Variants in WDR53 observed in about 807,000 individuals in gnomAD.
WDR53 encodes WD repeat-containing protein 53.
In WDR53, 19 loss-of-function variants were observed where a neutral mutation model predicts 21.3. The observed-to-expected ratio is 0.89, with a 90% CI of 0.62 to 1.31. The LOEUF (loss-of-function observed/expected upper bound fraction) is 1.31. Among genes scored for constraint, WDR53 ranks in the 50% most tolerant of loss-of-function variants. The probability of loss-of-function intolerance (pLI) is 0.00; values close to 1 mark genes in which losing one functional copy is unlikely to be tolerated. For synonymous variants in WDR53, 157 were observed against 163.4 expected, an observed-to-expected ratio of 0.96 and a Z score of 0.30; for missense variants, 374 against 423.2, an observed-to-expected ratio of 0.88 and a Z score of 1.02.
intron 3 of WDR53, 93 bp downstream of exon 3, chr3:196,560,903 G>C: frequency 6.7e-7 from 1 of 1,496,846 alleles, no homozygotes; most frequent in South Asian, 1.4e-5. Context: ...GTAGAAAACA[G>C]AAAAAGCAAA....
intron 3 of WDR53, among the ~76,000 whole-genome samples, chr3:196,555,704 A>G (rs1734258565): frequency 6.6e-6 from 1 of 152,252 alleles, no homozygotes; most frequent in Non-Finnish European, 1.5e-5. Context: ...CAATTTTAAC[A>G]GACACTGGAA....
Position 196,567,245 on chromosome 3 carries a change from G to A in WDR53, c.-385C>T, listed in dbSNP as rs1481165597. 3 of 456,872 alleles carry A rather than the reference G, an allele frequency of 6.6e-6. No individual in the cohort carries two copies. Among genetic ancestry groups the A allele is most frequent in the African/African-American group, 4.0e-5 (2 of 50,080 alleles). The allele number at this position is 456,872 out of a possible 1,614,324, so 28.3% of individuals were successfully genotyped here. ...TCTCTACAGGCTTGGGGTTTCTGAA[G>A]TTGGACTTGATGTGGAGAAGCTGGA... On this transcript the variant is annotated 5_prime_UTR_variant, in exon 2 of 4. Coordinates refer to ENST00000332629, the MANE Select transcript of WDR53 (RefSeq NM_182627.3).
chr3:196,555,822 T>C (rs754842567), intron 3 of WDR53, among the ~76,000 whole-genome samples: 4 of 152,200 alleles, frequency 2.6e-5, no homozygotes, highest in Non-Finnish European at 5.9e-5. Flanking sequence ...ACTTCCCTTA[T>C]GATTATTCTC....
In WDR53 at chr3:196,554,561, C is replaced by A; in HGVS notation, c.727G>T (p.Gly243Trp). The A allele has an allele frequency of 6.2e-7, 1 of 1,614,120 alleles. No homozygotes were observed. Among genetic ancestry groups the A allele is most frequent in the Middle Eastern group, 1.6e-4 (1 of 6,062 alleles). Residue 243 changes from glycine to tryptophan, a missense_variant, in exon 4 of 4, where the codon GGG (glycine) becomes TGG (tryptophan). Coordinates refer to ENST00000332629, the MANE Select transcript of WDR53 (RefSeq NM_182627.3). ...QELGFKGHTS[G>W]VSQVCFLPES... ...GGGAGAAAGCAGACCTGGGATACCCCTGAAGTGTGGCCCTTAAATCCCAGT... is the reference window on the plus strand; with the variant it reads ...GGGAGAAAGCAGACCTGGGATACCCATGAAGTGTGGCCCTTAAATCCCAGT...
chr3:196,564,466 C>T (rs1410383234), intron 2 of WDR53, among the ~76,000 whole-genome samples: 5 of 143,678 alleles, frequency 3.5e-5, no homozygotes, highest in African/African-American at 1.3e-4. Flanking sequence ...CTCAAGTGAT[C>T]CTCCCGCCTT....
Position 196,561,268 on chromosome 3 carries a change from A to C in WDR53, c.208T>G (p.Ser70Ala). The stretch of plus-strand genomic sequence containing the variant: ...AGTACACTAATGGTTTCTCCATGTG[A>C]GGCATAGAGCTTGGTGGGACAGGAG... ...SPSCPTKLYA[S>A]HGETISVLDV... Residue 70 changes from serine to alanine, a missense_variant, in exon 3 of 4, where the codon TCA becomes GCA. Coordinates refer to ENST00000332629, the MANE Select transcript of WDR53 (RefSeq NM_182627.3). 1 of 1,614,210 alleles carries C rather than the reference A, an allele frequency of 6.2e-7. No individual in the cohort carries two copies. Among genetic ancestry groups the C allele is most frequent in the East Asian group, 2.2e-5 (1 of 44,892 alleles).
intron 3 of WDR53, among the ~76,000 whole-genome samples, chr3:196,556,769 T>C (rs997865209): frequency 6.6e-6 from 1 of 152,150 alleles, no homozygotes; most frequent in African/African-American, 2.4e-5. Flanking sequence ...ACAGCCCTTA[T>C]GAATGGACTG....
intron 3 of WDR53, among the ~76,000 whole-genome samples, chr3:196,559,834 C>A (rs1489499933): frequency 1.3e-5 from 2 of 152,218 alleles, no homozygotes; most frequent in African/African-American, 4.8e-5. Context: ...GTTTGAATCT[C>A]AGTCAGGTGG....
At position 196,554,237 on chromosome 3, in the gene WDR53, A is replaced by T; in HGVS notation, c.1051T>A (p.Ser351Thr). ...TAAAATTCATTTAAGGGGTATACAG[A>T]TATACAACTAGTTTGATCAGCTACT... is the stretch of plus-strand genomic sequence containing the variant. ...ILVADQTSCISVYPLNEF is the reference protein window; with the variant it reads ...ILVADQTSCITVYPLNEF Residue 351 changes from serine to threonine, a missense_variant, in exon 4 of 4, where the codon TCT becomes ACT. By Grantham distance (58) the Ser-to-Thr change is moderately conservative. Transcript: ENST00000332629. 1 of 1,612,020 alleles carries T rather than the reference A, an allele frequency of 6.2e-7. No homozygotes were observed. The highest frequency in any genetic ancestry group is 8.5e-7 in the Non-Finnish European group (1 of 1,178,498).
rs745764733 is a variant in WDR53, at chr3:196,554,552, G to T, written c.736C>A (p.Gln246Lys). The stretch of plus-strand genomic sequence containing the variant: ...TAGGATTCTGGGAGAAAGCAGACCT[G>T]GGATACCCCTGAAGTGTGGCCCTTA... ...GFKGHTSGVS[Q>K]VCFLPESYLL... The change falls in exon 4 of 4, where the codon CAG becomes AAG. Residue 246 changes from glutamine to lysine, a missense_variant. By Grantham distance (53) the Gln-to-Lys change is moderately conservative (BLOSUM62 1). Coordinates refer to ENST00000332629, the MANE Select transcript of WDR53 (RefSeq NM_182627.3). 11 of 1,613,940 alleles carry T rather than the reference G, an allele frequency of 6.8e-6. No homozygotes were observed. Among genetic ancestry groups the T allele is most frequent in the Non-Finnish European group, 9.3e-6 (11 of 1,180,008 alleles).
intron 3 of WDR53, among the ~76,000 whole-genome samples, chr3:196,557,810 C>G (rs2108685567): frequency 6.9e-6 from 1 of 144,542 alleles, no homozygotes; most frequent in Admixed American, 7.0e-5. Context: ...GACAAGGTCT[C>G]ACTGTCACCC....
intron 3 of WDR53, among the ~76,000 whole-genome samples, chr3:196,558,604 A>G (rs1036775944): frequency 2.0e-5 from 3 of 152,264 alleles, no homozygotes; most frequent in Admixed American, 6.5e-5. Flanking sequence ...TATGCTGAAC[A>G]TGGCAATCAT....
chr3:196,567,242 G>T lies in WDR53; in HGVS notation c.-382C>A, dbSNP rs1224944397. On this transcript the variant is annotated 5_prime_UTR_variant, in exon 2 of 4. Transcript: ENST00000332629. The stretch of plus-strand genomic sequence containing the variant: ...TTTTCTCTACAGGCTTGGGGTTTCT[G>T]AAGTTGGACTTGATGTGGAGAAGCT... The T allele has an allele frequency of 2.2e-6, 1 of 457,018 alleles. No individual in the cohort carries two copies. Among genetic ancestry groups the T allele is most frequent in the Admixed American group, 2.3e-5 (1 of 42,574 alleles). The allele number at this position is 457,018 out of a possible 1,614,324, so 28.3% of individuals were successfully genotyped here. A position where few individuals can be genotyped will look rare whatever the true frequency, so the allele number is the denominator to read the frequency against.
intron 2 of WDR53, among the ~76,000 whole-genome samples, chr3:196,565,300 C>T (rs1735272143): frequency 6.7e-6 from 1 of 148,892 alleles, no homozygotes; most frequent in Non-Finnish European, 1.5e-5. Flanking sequence ...GGAGGCTGGG[C>T]GTGGTGGCTC....
At chr3:196,559,277 T>C (rs1483744333) in intron 3 of WDR53, among the ~76,000 whole-genome samples, 1 of 152,120 alleles carries the variant, frequency 6.6e-6, no homozygotes, top group Non-Finnish European at 1.5e-5. Flanking sequence ...ATGTAGGAGA[T>C]TTATAAAGGG....
At chr3:196,563,852 G>A (rs984864455) in intron 2 of WDR53, among the ~76,000 whole-genome samples, 3 of 152,130 alleles carry the variant, frequency 2.0e-5, no homozygotes, top group Non-Finnish European at 2.9e-5. Context: ...GATTATAGGC[G>A]TGCGTCACCG....
intron 2 of WDR53, among the ~76,000 whole-genome samples, chr3:196,562,725 C>G (rs989545379): frequency 2.6e-5 from 4 of 152,130 alleles, no homozygotes; most frequent in Non-Finnish European, 4.4e-5. Flanking sequence ...TCAAAACAAC[C>G]CTTTTGATTG....
In WDR53 at chr3:196,554,571, G is replaced by A. The variant is rs1415322709; in HGVS notation, c.717C>T (p.Gly239=). ...AGACCTGGGATACCCCTGAAGTGTGGCCCTTAAATCCCAGTTCCTGTTCAC... is the reference window on the plus strand; with the variant it reads ...AGACCTGGGATACCCCTGAAGTGTGACCCTTAAATCCCAGTTCCTGTTCAC... The part of the protein sequence containing the change: ...VKCEQELGFK[G]HTSGVSQVCF... Residue 239 remains glycine, a synonymous_variant, in exon 4 of 4, where the codon GGC becomes GGT. Coordinates refer to ENST00000332629, the MANE Select transcript of WDR53 (RefSeq NM_182627.3). 1.2e-6 allele frequency: 2 copies of A among 1,613,884 alleles called. No individual in the cohort carries two copies. Among genetic ancestry groups the A allele is most frequent in the Admixed American group, 1.7e-5 (1 of 59,990 alleles).
chr3:196,566,090 T>C (rs1735362984), intron 2 of WDR53, among the ~76,000 whole-genome samples: 1 of 152,116 alleles, frequency 6.6e-6, no homozygotes, highest in Non-Finnish European at 1.5e-5. Flanking sequence ...GGTGAGTTTT[T>C]TCTTGTGTTT....
Sources: gnomAD v4.1 joint callset for allele counts (sites outside exome capture counted in the v4.1 genomes callset) on GRCh38, gnomAD v4.1.1 for gene constraint, MANE v1.5 for transcripts, NCBI Gene and HGNC (gene_info 2026-07-23, HGNC 2026-07-21) for gene names.